Variants in PCP4L1 observed in about 807,000 individuals in gnomAD.
The protein encoded by PCP4L1 is Purkinje cell protein 4 like 1.
In PCP4L1, 9 loss-of-function variants were observed where a neutral mutation model predicts 9.6. The ratio of observed to expected loss-of-function variants is 0.94; its 90% CI spans 0.57 to 1.64. PCP4L1 has a LOEUF of 1.64. Ranked by LOEUF, PCP4L1 falls within the 40% of genes most tolerant of loss-of-function variation. PCP4L1 has a pLI of 0.00. For synonymous variants in PCP4L1, 31 were observed against 28.2 expected (o/e 1.10, Z -0.31); for missense variants, 81 against 80.8 (o/e 1.00, Z -0.01).
intron 1 of PCP4L1, among the ~76,000 whole-genome samples, chr1:161,276,283 C>T (rs899014130): frequency 5.3e-5 from 8 of 152,150 alleles, no homozygotes; most frequent in Admixed American, 2.0e-4. Flanking sequence ...GTCTCAGGAA[C>T]AGTCCTTCCT....
intron 2 of PCP4L1, 27 bp downstream of exon 2, chr1:161,283,749 G>T: frequency 6.3e-7 from 1 of 1,590,614 alleles, no homozygotes; most frequent in Admixed American, 1.8e-5. Flanking sequence ...TAGGCAGTTT[G>T]TAGAGCAGGT....
At chr1:161,283,812 G>A in intron 2 of PCP4L1, 90 bp downstream of exon 2, 1 of 1,297,924 alleles carries the variant, frequency 7.7e-7, no homozygotes, top group Non-Finnish European at 1.1e-6. Flanking sequence ...CCTAAAGTCA[G>A]ACATGAAAGG....
At chr1:161,260,947 C>G (rs1490652873) in intron 1 of PCP4L1, among the ~76,000 whole-genome samples, 3 of 152,180 alleles carry the variant, frequency 2.0e-5, no homozygotes, top group Non-Finnish European at 4.4e-5. Context: ...AAGCAGCTGT[C>G]TCTGAATCAG....
At chr1:161,276,919 T>A (rs924713563) in intron 1 of PCP4L1, among the ~76,000 whole-genome samples, 10 of 152,098 alleles carry the variant, frequency 6.6e-5, no homozygotes, top group African/African-American at 1.9e-4. Context: ...TTATTTTCTT[T>A]CCCCCTAATG....
At chr1:161,281,542 G>A (rs1669802506) in intron 1 of PCP4L1, among the ~76,000 whole-genome samples, 1 of 151,298 alleles carries the variant, frequency 6.6e-6, no homozygotes, top group Non-Finnish European at 1.5e-5. Context: ...CCCGGACGGG[G>A]CAGCTGGCCG....
At position 161,268,208 on chromosome 1, in the gene PCP4L1, G is replaced by A. The variant is rs543276040; in HGVS notation, c.9+9225G>A. Among the ~76,000 whole-genome samples the A allele has an allele frequency of 2.7e-5, 4 of 149,112 alleles. No homozygotes were observed. The South Asian group carries it at 8.6e-4, about 32-fold the overall frequency. On this transcript the variant is annotated intron_variant, in intron 1 of 2. Coordinates refer to ENST00000504449, the MANE Select transcript of PCP4L1 (RefSeq NM_001102566.2). ...TTTAGAGCCATTCTCAGCACTTTTG[G>A]GGACAGACATTGGGAAGACAGGGAG...
At chr1:161,263,217 G>GA (rs1350833963) in intron 1 of PCP4L1, among the ~76,000 whole-genome samples, 22 of 151,460 alleles carry the variant, frequency 1.5e-4, no homozygotes, top group Non-Finnish European at 1.5e-5. Flanking sequence ...AGTAAATACA[G>GA]GGTTTTTGTT....
At chr1:161,271,677 T>G (rs1449617258) in intron 1 of PCP4L1, among the ~76,000 whole-genome samples, 1 of 152,120 alleles carries the variant, frequency 6.6e-6, no homozygotes, top group Non-Finnish European at 1.5e-5. Flanking sequence ...CTAATTTTTG[T>G]ATTTTTAGTA....
At chr1:161,272,383 C>G (rs1233560513) in intron 1 of PCP4L1, among the ~76,000 whole-genome samples, 2 of 151,632 alleles carry the variant, frequency 1.3e-5, no homozygotes, top group Middle Eastern at 3.4e-3. Flanking sequence ...CATGGTGAAA[C>G]CCTGTCTCTA....
chr1:161,272,186 C>CT (rs11365328), intron 1 of PCP4L1, among the ~76,000 whole-genome samples: 4,916 of 145,372 alleles, frequency 0.034, 261 homozygotes, highest in African/African-American at 0.12. Flanking sequence ...GGGGTAATCC[C>CT]TTTTTTTTTT....
intron 1 of PCP4L1, among the ~76,000 whole-genome samples, chr1:161,265,316 AG>A (rs1388528363): frequency 6.6e-6 from 1 of 152,172 alleles, no homozygotes; most frequent in African/African-American, 2.4e-5. Flanking sequence ...GGATTGCTTC[AG>A]CCCAGGAGTT....
intron 1 of PCP4L1, among the ~76,000 whole-genome samples, chr1:161,270,118 G>A (rs1413263845): frequency 2.0e-5 from 3 of 152,046 alleles, no homozygotes; most frequent in Non-Finnish European, 4.4e-5. Flanking sequence ...CCAACATGGT[G>A]AAACCCGGTC....
chr1:161,284,284 A>T (rs933169944), intron 2 of PCP4L1, 55 bp from the exon 3 acceptor site: 66 of 1,610,654 alleles, frequency 4.1e-5, no homozygotes, highest in Non-Finnish European at 5.6e-5. Flanking sequence ...GGCCTGGAGA[A>T]AGGGTCTAGA....
At chr1:161,261,303 A>T (rs182130079) in intron 1 of PCP4L1, among the ~76,000 whole-genome samples, 1 of 152,344 alleles carries the variant, frequency 6.6e-6, no homozygotes, top group East Asian at 1.9e-4. Context: ...TAGAACAACC[A>T]ACAGTGCAGG....
intron 1 of PCP4L1, among the ~76,000 whole-genome samples, chr1:161,275,578 G>T (rs557670272): frequency 6.6e-6 from 1 of 151,654 alleles, no homozygotes; most frequent in East Asian, 1.9e-4. Context: ...GGGTTGGGGT[G>T]AGAGAAAAGA....
chr1:161,258,829 G>C lies in PCP4L1; in HGVS notation c.-146G>C. 1 of 1,260,402 alleles carries C rather than the reference G, an allele frequency of 7.9e-7. No individual in the cohort carries two copies. The highest frequency in any genetic ancestry group is 1.1e-6 in the Non-Finnish European group (1 of 901,944). 78.1% of individuals were successfully genotyped at this position (1,260,402 alleles called of 1,614,324 possible). On this transcript the variant is annotated 5_prime_UTR_variant, in exon 1 of 3. Coordinates refer to ENST00000504449, the MANE Select transcript of PCP4L1 (RefSeq NM_001102566.2). ...TCCCGGGTGCCAGCACCAGAGCAGC[G>C]GCTCTCCGCACTAACTCTCCTCTCC...
chr1:161,284,146 T>C (rs1425499866), intron 2 of PCP4L1, among the ~76,000 whole-genome samples, 193 bp from the exon 3 acceptor site: 4 of 152,224 alleles, frequency 2.6e-5, no homozygotes, highest in East Asian at 1.9e-4. Context: ...TAAGTAACTA[T>C]AGCTAATTCC....
At chr1:161,272,054 C>T (rs1669632210) in intron 1 of PCP4L1, among the ~76,000 whole-genome samples, 1 of 151,726 alleles carries the variant, frequency 6.6e-6, no homozygotes. Context: ...GATCTGCCTG[C>T]CTTGGCTTCC....
At chr1:161,261,383 T>C (rs891691989) in intron 1 of PCP4L1, among the ~76,000 whole-genome samples, 2 of 152,180 alleles carry the variant, frequency 1.3e-5, no homozygotes, top group South Asian at 2.1e-4. Flanking sequence ...CTGTCACTCA[T>C]TACTGCAGTA....
Sources: allele counts gnomAD v4.1 joint callset (sites outside exome capture counted in the v4.1 genomes callset), GRCh38; gene constraint gnomAD v4.1.1; transcripts MANE v1.5; gene names NCBI Gene and HGNC (gene_info 2026-07-23, HGNC 2026-07-21).